The following CCDC38 variants were observed in gnomAD, a reference collection of about 807,000 sequenced individuals.
CCDC38 encodes the protein coiled-coil domain-containing protein 38.
A neutral mutation model predicts 72.8 loss-of-function variants in CCDC38; 69 were observed. The observed-to-expected ratio is 0.95, with a 90% CI of 0.78 to 1.16. The LOEUF (loss-of-function observed/expected upper bound fraction) is 1.16. Ranked by LOEUF, CCDC38 falls within the 50% of genes most tolerant of loss-of-function variation. CCDC38 has a pLI of 0.00. For synonymous variants in CCDC38, 201 were observed against 213.2 expected, an observed-to-expected ratio of 0.94 and a Z score of 0.50; for missense variants, 626 against 638.9, an observed-to-expected ratio of 0.98 and a Z score of 0.22.
chr12:95,936,688 A>G (rs1400548273), intron 1 of CCDC38, among the ~76,000 whole-genome samples, 165 bp from the exon 2 acceptor site: 2 of 152,210 alleles, frequency 1.3e-5, no homozygotes, highest in Non-Finnish European at 2.9e-5. Context: ...ATCTTATGTC[A>G]AGAAAATAAT....
intron 2 of CCDC38, among the ~76,000 whole-genome samples, chr12:95,921,050 C>T (rs1352462686): frequency 2.0e-5 from 3 of 151,406 alleles, no homozygotes; most frequent in South Asian, 2.1e-4. Flanking sequence ...ATCACTTGAA[C>T]ATGGGAGGCA....
chr12:95,919,628 A>G, intron 2 of CCDC38: 1 of 456,002 alleles, frequency 2.2e-6, no homozygotes, highest in South Asian at 1.5e-5. Flanking sequence ...TTACTGCTTC[A>G]TGAGGAATGA....
chr12:95,914,328 A>G (rs916358184), intron 4 of CCDC38, among the ~76,000 whole-genome samples: 2 of 152,206 alleles, frequency 1.3e-5, no homozygotes, highest in East Asian at 3.9e-4. Flanking sequence ...CGTCTCAAAA[A>G]CAAAACAAAA....
In CCDC38 at chr12:95,879,847, G is replaced by T; in HGVS notation, c.991-52C>A. On this transcript the variant is annotated intron_variant, in intron 11 of 15. Transcript: ENST00000344280. This position sits in a 1 kb window ranked among gnomAD's most constrained non-coding sequence, Gnocchi z 5.5. ...ATTTACTTAAAAATATGCTACCTAT[G>T]CACATGTGACTTATCTAGAAAATAC... 7.2e-7 allele frequency: 1 copy of T among 1,389,500 alleles called. No individual in the cohort carries two copies. Among genetic ancestry groups the T allele is most frequent in the Non-Finnish European group, 9.9e-7 (1 of 1,009,150 alleles). 86.1% of individuals were successfully genotyped at this position (1,389,500 alleles called of 1,614,324 possible). A position where few individuals can be genotyped will look rare whatever the true frequency, so the allele number is the denominator to read the frequency against.
chr12:95,906,734 G>A (rs1209061831), intron 4 of CCDC38, among the ~76,000 whole-genome samples: 1 of 147,948 alleles, frequency 6.8e-6, no homozygotes, highest in Non-Finnish European at 1.5e-5. Context: ...TCCCCATCCT[G>A]TCTATGAGGT....
At chr12:95,923,443 A>G (rs1323908268) in intron 2 of CCDC38, among the ~76,000 whole-genome samples, 1 of 152,012 alleles carries the variant, frequency 6.6e-6, no homozygotes, top group Non-Finnish European at 1.5e-5. Flanking sequence ...GGGATGAGTA[A>G]TTAGTGGGCT....
intron 2 of CCDC38, among the ~76,000 whole-genome samples, chr12:95,935,811 G>T (rs1392486291): frequency 2.6e-5 from 4 of 152,202 alleles, no homozygotes; most frequent in Non-Finnish European, 5.9e-5. Context: ...GGGCATGATA[G>T]CTCATGCCTG....
intron 1 of CCDC38, among the ~76,000 whole-genome samples, chr12:95,938,401 C>A (rs142727856): frequency 2.6e-5 from 4 of 152,282 alleles, no homozygotes; most frequent in African/African-American, 9.6e-5. Context: ...CTCCTTTGGT[C>A]CTTCTATCTA....
intron 8 of CCDC38, among the ~76,000 whole-genome samples, chr12:95,891,469 C>T (rs2079826379): frequency 1.3e-5 from 2 of 152,126 alleles, no homozygotes; most frequent in Non-Finnish European, 2.9e-5. Context: ...CCTCAGCCTC[C>T]AGAGTAGCTG....
intron 5 of CCDC38, among the ~76,000 whole-genome samples, chr12:95,902,683 A>T (rs1256711731): frequency 6.6e-6 from 1 of 152,150 alleles, no homozygotes; most frequent in Non-Finnish European, 1.5e-5. Flanking sequence ...CTATGAGCAC[A>T]TATGCTTTTA....
Position 95,898,798 on chromosome 12 carries a change from T to C in CCDC38, c.370-67A>G, listed in dbSNP as rs1054261685. 7 of 1,441,922 alleles carry C rather than the reference T, an allele frequency of 4.9e-6. No homozygotes were observed. The East Asian group carries it at 1.1e-4, about 23-fold the overall frequency. 89.3% of individuals were successfully genotyped at this position (1,441,922 alleles called of 1,614,324 possible). A position where few individuals can be genotyped will look rare whatever the true frequency, so the allele number is the denominator to read the frequency against. ...ATTTTTAGTAATTTCAACAGTCTTATACACAGCAAGTGAACATTTGTATTA... is the reference window on the plus strand; with the variant it reads ...ATTTTTAGTAATTTCAACAGTCTTACACACAGCAAGTGAACATTTGTATTA... On this transcript the variant is annotated intron_variant, in intron 5 of 15. Transcript: ENST00000344280.
chr12:95,878,327 G>A lies in CCDC38; in HGVS notation c.1162C>T (p.Leu388Phe). The A allele has an allele frequency of 6.2e-7, 1 of 1,612,860 alleles. No individual in the cohort carries two copies. The highest frequency in any genetic ancestry group is 8.5e-7 in the Non-Finnish European group (1 of 1,179,584). ...QDKTNSNIEF[L>F]LEQEKMLKAN... ...TTAAGCATTTTTTCTTGCTCCAAAA[G>A]AAACTCTATGTTGCTATTTCTATTA... Residue 388 changes from leucine (L) to phenylalanine (F), a missense_variant, in exon 13 of 16, where the codon CTT becomes TTT. Coordinates refer to ENST00000344280, the MANE Select transcript of CCDC38 (RefSeq NM_182496.3).
intron 5 of CCDC38, among the ~76,000 whole-genome samples, chr12:95,901,340 G>A (rs969669822): frequency 3.9e-5 from 6 of 152,160 alleles, no homozygotes; most frequent in African/African-American, 1.4e-4. Flanking sequence ...GAGTATATTA[G>A]GGGCGGAGTT....
At chr12:95,918,621 T>C (rs2080171083) in intron 3 of CCDC38, among the ~76,000 whole-genome samples, 1 of 152,234 alleles carries the variant, frequency 6.6e-6, no homozygotes, top group African/African-American at 2.4e-5. Context: ...TGAAGGACAG[T>C]GTACCATACG....
chr12:95,887,862 G>C (rs1021726149), intron 10 of CCDC38, among the ~76,000 whole-genome samples: 35 of 152,200 alleles, frequency 2.3e-4, no homozygotes, highest in Non-Finnish European at 1.3e-4. Context: ...TGCCACAGAA[G>C]TGGGTGTCTA....
chr12:95,869,500 C>T lies in CCDC38; in HGVS notation c.1558G>A (p.Val520Ile), dbSNP rs767841799. ...ERLKAALEKA[V>I]AQPKKKLGRR... ...CAAACCTTTTTCTTTGGTTGTGCTACTGCTTTTTCCAGAGCAGCTTTTAGC... is the reference window on the plus strand; with the variant it reads ...CAAACCTTTTTCTTTGGTTGTGCTATTGCTTTTTCCAGAGCAGCTTTTAGC... Residue 520 changes from valine to isoleucine, a missense_variant, in exon 15 of 16, where the codon GTA becomes ATA. By Grantham distance (29) the Val-to-Ile change is conservative. Coordinates refer to ENST00000344280, the MANE Select transcript of CCDC38 (RefSeq NM_182496.3). The T allele has an allele frequency of 2.4e-5, 38 of 1,613,248 alleles. No individual in the cohort carries two copies. Among genetic ancestry groups the T allele is most frequent in the Non-Finnish European group, 3.0e-5 (35 of 1,179,772 alleles).
chr12:95,920,211 T>C (rs1262382023), intron 2 of CCDC38, among the ~76,000 whole-genome samples: 4 of 152,150 alleles, frequency 2.6e-5, no homozygotes, highest in African/African-American at 9.7e-5. Flanking sequence ...GGGTTCTTTC[T>C]TGTGCTGTTC....
At chr12:95,933,107 T>C (rs1471763338) in intron 2 of CCDC38, 4 of 152,194 alleles carry the variant, frequency 2.6e-5, no homozygotes, top group Non-Finnish European at 4.4e-5. Context: ...CAGTAGAACA[T>C]ATAGGTTTTA....
intron 2 of CCDC38, among the ~76,000 whole-genome samples, chr12:95,923,704 C>T (rs2080235122): frequency 6.6e-6 from 1 of 152,070 alleles, no homozygotes; most frequent in Non-Finnish European, 1.5e-5. Context: ...CCCCCCACTC[C>T]ACAACAGTCC....
Sources: gnomAD v4.1 joint callset for allele counts (sites outside exome capture counted in the v4.1 genomes callset) on GRCh38, gnomAD v4.1.1 for gene constraint, Gnocchi (gnomAD v3.1) non-coding constraint, MANE v1.5 for transcripts, NCBI Gene and HGNC (gene_info 2026-07-23, HGNC 2026-07-21) for gene names.